Variants in KIAA1210 observed in about 807,000 individuals in gnomAD.
KIAA1210 encodes acrosomal protein KIAA1210.
A neutral mutation model predicts 78.9 loss-of-function variants in KIAA1210; 48 were observed. That is an observed-to-expected ratio of 0.61 (90% confidence interval 0.48 to 0.77). The LOEUF is 0.77. KIAA1210 is among the 30% of genes least tolerant of loss of function. KIAA1210 has a pLI of 0.00. For synonymous variants in KIAA1210, 406 were observed against 404.5 expected (o/e 1.00, Z -0.04); for missense variants, 1,108 against 1,100.0 (o/e 1.01, Z -0.10).
At chrX:119,143,439 T>G (rs190771406) in intron 2 of KIAA1210, among the ~76,000 whole-genome samples, 325 of 112,352 alleles carry the variant, frequency 2.9e-3, no homozygotes, top group Non-Finnish European at 4.3e-3. Context: ...AGTGACTTCT[T>G]TGAGGCAAGT....
At chrX:119,109,235 C>T in intron 3 of KIAA1210, 33 bp from the exon 4 acceptor site, 2 of 1,168,756 alleles carry the variant, frequency 1.7e-6, no homozygotes, top group South Asian at 1.9e-5. Flanking sequence ...GTAAAAGCAA[C>T]CCAAGGGCCA....
At chrX:119,097,876 C>T (rs1313281593) in intron 6 of KIAA1210, among the ~76,000 whole-genome samples, 2 of 111,514 alleles carry the variant, frequency 1.8e-5, no homozygotes, top group Non-Finnish European at 3.8e-5. Context: ...TAGGATTGAT[C>T]CCAAGATTTC....
In KIAA1210 at chrX:119,089,686, T is replaced by C. The variant is rs2147172654; in HGVS notation, c.1016A>G (p.Gln339Arg). Residue 339 changes from glutamine to arginine, a missense_variant, in exon 9 of 12, where the codon CAG becomes CGG. This residue lies in a region of KIAA1210 where 672 missense variants were observed against 607.1 expected (regional missense o/e 1.11). Transcript: ENST00000691062. ...CCGAGAAGCATCAGTGTTTGGAGCCTGGTCTGTTGTCTTCTTATCATACAT... is the reference window on the plus strand; with the variant it reads ...CCGAGAAGCATCAGTGTTTGGAGCCCGGTCTGTTGTCTTCTTATCATACAT... ...TEMYDKKTTD[Q>R]APNTDASRSQ... is the part of the protein sequence containing the mutation. 7.4e-6 allele frequency: 9 copies of C among 1,210,914 alleles called. No homozygotes were observed. Among genetic ancestry groups the C allele is most frequent in the Non-Finnish European group, 8.9e-6 (8 of 895,072 alleles).
chrX:119,115,465 G>T (rs760740208), intron 3 of KIAA1210, among the ~76,000 whole-genome samples: 1 of 111,569 alleles, frequency 9.0e-6, no homozygotes, highest in Non-Finnish European at 1.9e-5. Flanking sequence ...TTTCAAAACC[G>T]TCTGCCCTAC....
In KIAA1210 at chrX:119,093,650, G is replaced by T. The variant is rs763392843; in HGVS notation, c.955+17C>A. Reference sequence around the variant, plus strand: ...TCTGTCATACATGTTTCTGGGTGAGGGTGAAGATATGCTAACCTGCACTGT... The same window carrying T: ...TCTGTCATACATGTTTCTGGGTGAGTGTGAAGATATGCTAACCTGCACTGT... On this transcript the variant is annotated intron_variant, in intron 8 of 11. Coordinates refer to ENST00000691062, the MANE Select transcript of KIAA1210 (RefSeq NM_001394962.1). The T allele has an allele frequency of 3.5e-5, 39 of 1,129,260 alleles. No individual in the cohort carries two copies. The highest frequency in any genetic ancestry group is 4.5e-5 in the Non-Finnish European group (37 of 825,810). The allele number at this position is 1,129,260 out of a possible 1,213,427, so 93.1% of individuals were successfully genotyped here. A position where few individuals can be genotyped will look rare whatever the true frequency, so the allele number is the denominator to read the frequency against.
In KIAA1210 at chrX:119,096,578, G is replaced by A; in HGVS notation, c.762C>T (p.Thr254=). 8.3e-7 allele frequency: 1 copy of A among 1,211,351 alleles called. No individual in the cohort carries two copies. The highest frequency in any genetic ancestry group is 1.8e-5 in the South Asian group (1 of 56,919). ...CTGAAGAATCCAAACAGCCCTGGGT[G>A]GTGGCTGGGGTGCTGAAACCAATGG... ...QLPIGFSTPA[T]TQGCLDSSAA... Residue 254 remains threonine, a synonymous_variant, in exon 7 of 12, where the codon ACC becomes ACT. Transcript: ENST00000691062.
At position 119,099,908 on chromosome X, in the gene KIAA1210, G is replaced by A. The variant is rs946495617; in HGVS notation, c.649-3217C>T. Among the ~76,000 whole-genome samples, 20 of 111,729 alleles carry A rather than the reference G, an allele frequency of 1.8e-4. No homozygotes were observed. The East Asian group carries it at 5.0e-3, about 28-fold the overall frequency. ...GAACGGCTCCCATTTTCAAATATGA[G>A]TACAGCAAGTTCAGGAATAATCCCA... On this transcript the variant is annotated intron_variant, in intron 6 of 11. Transcript: ENST00000691062.
At chrX:119,128,737 G>T (rs1033272803), upstream of KIAA1210, among the ~76,000 whole-genome samples, 23 of 110,985 alleles carry the variant, frequency 2.1e-4, no homozygotes, top group African/African-American at 7.6e-4. Flanking sequence ...GTGCAATGGC[G>T]CAATCTTGGC....
rs376245348 is a variant in KIAA1210 at position 119,088,766 on chromosome X, C to T, written c.1936G>A (p.Val646Ile). The change falls in exon 9 of 12, where the codon GTT becomes ATT. Residue 646 changes from valine to isoleucine, a missense_variant. Physicochemically the swap from Val to Ile is conservative, Grantham distance 29. Transcript: ENST00000691062. ...QEVFSESKSFVEDLSSSEEEL... is the reference protein window; with the variant it reads ...QEVFSESKSFIEDLSSSEEEL... ...TCCTCAGAGCTGCTCAAGTCCTCAA[C>T]AAAACTTTTTGATTCTGAGAAGACT... 8.3e-6 allele frequency: 10 copies of T among 1,209,726 alleles called. No individual in the cohort carries two copies. The East Asian group carries it at 1.5e-4, about 18-fold the overall frequency.
In KIAA1210 at chrX:119,087,848, C is replaced by T. The variant is rs1251959797; in HGVS notation, c.2854G>A (p.Val952Met). Residue 952 changes from valine to methionine, a missense_variant, in exon 9 of 12, where the codon GTG becomes ATG. Physicochemically the swap from Val to Met is conservative, Grantham distance 21 (BLOSUM62 1). Transcript: ENST00000691062. ...LLPRHLSQLT[V>M]GNKVQQLSSN... Reference sequence around the variant, plus strand: ...GACAGTTGCTGGACTTTATTTCCCACAGTCAACTGGGAAAGATGTCTGGGA... The same window carrying T: ...GACAGTTGCTGGACTTTATTTCCCATAGTCAACTGGGAAAGATGTCTGGGA... 3 of 1,211,512 alleles carry T rather than the reference C, an allele frequency of 2.5e-6. No homozygotes were observed. The highest frequency in any genetic ancestry group is 3.0e-5 in the East Asian group (1 of 33,845).
upstream of KIAA1210, among the ~76,000 whole-genome samples, chrX:119,131,188 A>T (rs1928781302): frequency 8.9e-6 from 1 of 112,057 alleles, no homozygotes; most frequent in Non-Finnish European, 1.9e-5. Flanking sequence ...AGTCTGCGGT[A>T]AACAGAATTC....
At chrX:119,115,281 G>C (rs1928222023) in intron 3 of KIAA1210, among the ~76,000 whole-genome samples, 1 of 110,225 alleles carries the variant, frequency 9.1e-6, no homozygotes, top group Admixed American at 9.7e-5. Context: ...CACACTTCTG[G>C]AAAGGAAGGA....
At chrX:119,131,018 A>C (rs1928776646), upstream of KIAA1210, among the ~76,000 whole-genome samples, 1 of 111,739 alleles carries the variant, frequency 8.9e-6, no homozygotes, top group Non-Finnish European at 1.9e-5. Flanking sequence ...AAGGTTGTTG[A>C]ATTTTTTTAA....
At chrX:119,141,057 G>A (rs1295893964) in intron 2 of KIAA1210, among the ~76,000 whole-genome samples, 1 of 112,338 alleles carries the variant, frequency 8.9e-6, no homozygotes, top group Admixed American at 9.4e-5. Flanking sequence ...TAGAGAGGAA[G>A]CTTTCCCTGA....
At chrX:119,150,412 G>C (rs201189143) in exon 1 of KIAA1210, 55 of 1,209,769 alleles carry the variant, frequency 4.5e-5, no homozygotes, top group Non-Finnish European at 5.4e-5. Flanking sequence ...CCTCCTTCTT[G>C]CCTTTGTAAG....
Position 119,089,069 on chromosome X carries a change from A to T in KIAA1210, c.1633T>A (p.Ser545Thr), listed in dbSNP as rs766833173. 25 of 1,211,369 alleles carry T rather than the reference A, an allele frequency of 2.1e-5. No homozygotes were observed. The East Asian group carries it at 7.4e-4, about 36-fold the overall frequency. ...CAGATAGTTTGAACATCCTGGGCTG[A>T]CTCCATTTTGGATTGGGCCTTTTGT... ...DLQKAQSKMESAQDVQTICKE... is the reference protein window; with the variant it reads ...DLQKAQSKMETAQDVQTICKE... Residue 545 changes from serine to threonine, a missense_variant, in exon 9 of 12, where the codon TCA becomes ACA. This residue lies in a region of KIAA1210 where 672 missense variants were observed against 607.1 expected (regional missense o/e 1.11). Coordinates refer to ENST00000691062, the MANE Select transcript of KIAA1210 (RefSeq NM_001394962.1).
intron 6 of KIAA1210, among the ~76,000 whole-genome samples, chrX:119,099,733 A>G (rs1253234797): frequency 8.9e-6 from 1 of 111,975 alleles, no homozygotes; most frequent in African/African-American, 3.2e-5. Flanking sequence ...ACCTGGAATG[A>G]GTGTTGAAAA....
rs1927109644 is a variant in KIAA1210, at chrX:119,085,681, G to A, written c.4157-135C>T. The A allele has an allele frequency of 5.1e-6, 3 of 583,776 alleles. No homozygotes were observed. The Admixed American group carries it at 1.3e-4, about 24-fold the overall frequency. 48.1% of individuals were successfully genotyped at this position (583,776 alleles called of 1,213,427 possible). ...AAGGAAAATAAACAGATATCAAACA[G>A]AGAAGGCCCCCCTTTTTTGGGCCCT... is the stretch of plus-strand genomic sequence containing the variant. On this transcript the variant is annotated intron_variant, in intron 9 of 11. Transcript: ENST00000691062.
chrX:119,084,049 A>AC (rs1244678497), intron 10 of KIAA1210, among the ~76,000 whole-genome samples: 1 of 103,820 alleles, frequency 9.6e-6, no homozygotes, highest in East Asian at 3.1e-4. Context: ...GGTGGGCTTT[A>AC]CCCCTCTATG....
Sources: gnomAD v4.1 joint callset for allele counts (sites outside exome capture counted in the v4.1 genomes callset) on GRCh38, gnomAD v4.1.1 for gene constraint, gnomAD v4.1.1 regional missense constraint, MANE v1.5 for transcripts, NCBI Gene and HGNC (gene_info 2026-07-23, HGNC 2026-07-21) for gene names.